DAB1: variants seen among roughly 807,000 people sequenced by gnomAD.
The protein encoded by DAB1 is DAB adaptor protein 1, also known as disabled homolog 1.
A neutral mutation model predicts 64.6 loss-of-function variants in DAB1; 15 were observed. The observed-to-expected ratio is 0.23, with a 90% CI of 0.16 to 0.36. The LOEUF is 0.36. DAB1 is among the 10% of genes least tolerant of loss of function. The pLI, the probability that DAB1 is intolerant of heterozygous loss-of-function variation, is 1.00. For synonymous variants in DAB1, 235 were observed against 251.9 expected, an observed-to-expected ratio of 0.93 and a Z score of 0.64; for missense variants, 596 against 706.7, an observed-to-expected ratio of 0.84 and a Z score of 1.78.
At chr1:58,241,994 C>T (rs751280824) in intron 4 of DAB1, among the ~76,000 whole-genome samples, 8 of 151,924 alleles carry the variant, frequency 5.3e-5, no homozygotes, top group Non-Finnish European at 1.0e-4. Context: ...GTTAAATCAT[C>T]CATTAAAAAT....
intron 3 of DAB1, among the ~76,000 whole-genome samples, chr1:58,449,747 AGGC>A (rs72164082): frequency 0.42 from 63,884 of 151,846 alleles, 13,996 homozygotes; most frequent in Non-Finnish European, 0.48. Context: ...TCCTGAAGCC[AGGC>A]GGCTGTTTCC....
At chr1:57,384,125 A>G (rs1260199082) in intron 1 of DAB1, among the ~76,000 whole-genome samples, 2 of 152,238 alleles carry the variant, frequency 1.3e-5, no homozygotes, top group Non-Finnish European at 2.9e-5. Context: ...CAAATTGCCA[A>G]CAAGCATTTG....
intron 2 of DAB1, among the ~76,000 whole-genome samples, chr1:57,267,965 G>T (rs1314354007): frequency 1.3e-5 from 2 of 152,080 alleles, no homozygotes; most frequent in Non-Finnish European, 2.9e-5. Context: ...TCCCCACAGG[G>T]TTTATTAAAT....
chr1:58,176,240 T>C (rs1656467454), intron 4 of DAB1, among the ~76,000 whole-genome samples: 1 of 152,202 alleles, frequency 6.6e-6, no homozygotes, highest in East Asian at 1.9e-4. Flanking sequence ...ACTTAGACTA[T>C]ATGCATGTAA....
At chr1:57,529,735 A>C (rs181969989) in intron 7 of DAB1, among the ~76,000 whole-genome samples, 1 of 152,282 alleles carries the variant, frequency 6.6e-6, no homozygotes, top group Non-Finnish European at 1.5e-5. Flanking sequence ...CATGGAGTCC[A>C]AGATATTGCT....
intron 5 of DAB1, among the ~76,000 whole-genome samples, chr1:58,077,063 G>A (rs1649697371): frequency 6.6e-6 from 1 of 152,208 alleles, no homozygotes. Context: ...TTGTTGCTGA[G>A]TTCTGGTGGG....
At chr1:57,732,778 GGAGA>G (rs1647497850) in intron 6 of DAB1, among the ~76,000 whole-genome samples, 1 of 152,160 alleles carries the variant, frequency 6.6e-6, no homozygotes, top group Non-Finnish European at 1.5e-5. Flanking sequence ...GCGTCGAACA[GGAGA>G]GAGGAGAGAC....
chr1:57,113,506 G>C (rs995812454), intron 4 of DAB1, among the ~76,000 whole-genome samples: 1 of 152,122 alleles, frequency 6.6e-6, no homozygotes, highest in African/African-American at 2.4e-5. Context: ...CTGCTTCTGT[G>C]GCAACAACTC....
intron 6 of DAB1, among the ~76,000 whole-genome samples, chr1:57,695,372 GAAAGAAAGAAAGAAAGAAAGAAAGAAAGA>G (rs1557427805): frequency 0.012 from 653 of 53,698 alleles, 4 homozygotes; most frequent in Non-Finnish European, 0.016. Flanking sequence ...AAGAAAGAAA[GAAAGAAAGAAAGAAAGAAAGAAAGAAAGA>G]AAGAAAGAAA....
At chr1:57,901,861 G>A (rs1407707644) in intron 5 of DAB1, among the ~76,000 whole-genome samples, 10 of 152,234 alleles carry the variant, frequency 6.6e-5, no homozygotes, top group African/African-American at 2.4e-4. Flanking sequence ...AATGATGTGA[G>A]ATTGGAGAAT....
intron 1 of DAB1, among the ~76,000 whole-genome samples, chr1:57,315,994 G>A (rs890016477): frequency 6.6e-6 from 1 of 152,122 alleles, no homozygotes; most frequent in African/African-American, 2.4e-5. Context: ...TTTAAAACGA[G>A]TTTAGGATAG....
chr1:58,523,871 C>T (rs1478138866), intron 2 of DAB1, among the ~76,000 whole-genome samples: 1 of 152,084 alleles, frequency 6.6e-6, no homozygotes, highest in African/African-American at 2.4e-5. Context: ...TGCACTCCAG[C>T]CTGGGTGACA....
chr1:58,237,805 C>G (rs1477472634), intron 4 of DAB1, among the ~76,000 whole-genome samples: 2 of 152,128 alleles, frequency 1.3e-5, no homozygotes, highest in African/African-American at 2.4e-5. Flanking sequence ...TAGATGACCA[C>G]TTTACATGTT....
At chr1:57,105,767 T>G (rs980408950) in intron 4 of DAB1, among the ~76,000 whole-genome samples, 3 of 152,198 alleles carry the variant, frequency 2.0e-5, no homozygotes, top group African/African-American at 7.2e-5. Context: ...TGATTTTCCT[T>G]AACGTTTTCT....
chr1:57,996,245 T>A (rs1009811241), intron 5 of DAB1, among the ~76,000 whole-genome samples: 1 of 151,958 alleles, frequency 6.6e-6, no homozygotes, highest in Non-Finnish European at 1.5e-5. Context: ...GGCCACAGAG[T>A]GAGACTTTGT....
Position 57,961,255 on chromosome 1 carries a change from T to G in DAB1, n.388-77093A>C, listed in dbSNP as rs571933097. ...TGTATACATTTGTATATAGGTAATA[T>G]GTATGTGTCTACATATACATATAAT... On this transcript the variant is annotated intron_variant and non_coding_transcript_variant, in intron 5 of 20. Coordinates refer to the DAB1 transcript ENST00000485760. Among the ~76,000 whole-genome samples the G allele has an allele frequency of 1.3e-4, 20 of 152,310 alleles. No individual in the cohort carries two copies. In the South Asian group the frequency reaches 4.1e-3, roughly 32 times the overall value.
intron 4 of DAB1, among the ~76,000 whole-genome samples, chr1:57,101,225 C>T (rs1015783449): frequency 1.3e-5 from 2 of 152,220 alleles, no homozygotes; most frequent in Non-Finnish European, 2.9e-5. Flanking sequence ...TTAGAACCAA[C>T]AGAGGCAATC....
At chr1:57,093,940 C>A (rs1286532339) in intron 4 of DAB1, among the ~76,000 whole-genome samples, 5 of 151,752 alleles carry the variant, frequency 3.3e-5, no homozygotes, top group African/African-American at 1.2e-4. Context: ...ATGGAGAAAC[C>A]CCTTTCTACT....
intron 9 of DAB1, among the ~76,000 whole-genome samples, chr1:57,053,668 A>ATATATG (rs1456089169): frequency 2.6e-5 from 2 of 77,852 alleles, no homozygotes; most frequent in Non-Finnish European, 2.5e-5. Flanking sequence ...CTCTATATGT[A>ATATATG]TATATATATA....
Sources: allele counts gnomAD v4.1 joint callset (sites outside exome capture counted in the v4.1 genomes callset), GRCh38; gene constraint gnomAD v4.1.1; transcripts MANE v1.5; gene names NCBI Gene and HGNC (gene_info 2026-07-23, HGNC 2026-07-21).